TECTA: variants seen among roughly 807,000 people sequenced by gnomAD.
The protein encoded by TECTA is alpha-tectorin.
TECTA carries 128 observed loss-of-function variants against 216.8 expected under a neutral mutation model. The ratio of observed to expected loss-of-function variants is 0.59; its 90% CI spans 0.51 to 0.68. The LOEUF (loss-of-function observed/expected upper bound fraction) is 0.68, where lower values mean the gene tolerates loss of function less well. TECTA is among the 30% of genes least tolerant of loss of function. TECTA has a pLI of 0.00. For synonymous variants in TECTA, 1,089 were observed against 1,117.1 expected (o/e 0.97, Z 0.50); for missense variants, 2,551 against 2,786.2 (o/e 0.92, Z 1.90).
chr11:121,165,678 A>G (rs1947046484), intron 17 of TECTA, among the ~76,000 whole-genome samples: 1 of 152,248 alleles, frequency 6.6e-6, no homozygotes, highest in Non-Finnish European at 1.5e-5. Flanking sequence ...GAAATAGGGT[A>G]TTTTGATGCC....
At chr11:121,181,760 G>GCCCA (rs1483551903) in intron 20 of TECTA, among the ~76,000 whole-genome samples, 1 of 152,186 alleles carries the variant, frequency 6.6e-6, no homozygotes, top group Non-Finnish European at 1.5e-5. Context: ...GAGCCACCAT[G>GCCCA]CCCAGTCACT....
chr11:121,187,082 G>C (rs1947295542), intron 20 of TECTA, among the ~76,000 whole-genome samples: 1 of 152,214 alleles, frequency 6.6e-6, no homozygotes, highest in Non-Finnish European at 1.5e-5. Flanking sequence ...ATAGAAGAGA[G>C]GTTGCCGTAG....
chr11:121,132,346 G>A (rs1196653268), intron 10 of TECTA, among the ~76,000 whole-genome samples: 6 of 152,182 alleles, frequency 3.9e-5, no homozygotes, highest in Non-Finnish European at 8.8e-5. Context: ...AATGGTTTCT[G>A]TTGACATTTG....
At chr11:121,126,397 A>G (rs888586019) in intron 8 of TECTA, among the ~76,000 whole-genome samples, 7 of 152,182 alleles carry the variant, frequency 4.6e-5, no homozygotes, top group African/African-American at 1.7e-4. Flanking sequence ...TTTCTTAAAT[A>G]TTAGGAGTGG....
chr11:121,136,665 A>G (rs663319), intron 10 of TECTA, among the ~76,000 whole-genome samples: 65,044 of 151,872 alleles, frequency 0.43, 14,087 homozygotes, highest in South Asian at 0.57. Context: ...AGGAAACAGA[A>G]GCTCTGAAGA....
rs749700453 is a variant in TECTA, at chr11:121,118,584, A to C, written c.1069A>C (p.Ser357Arg). The C allele has an allele frequency of 5.6e-6, 9 of 1,614,004 alleles. No homozygotes were observed. The highest frequency in any genetic ancestry group is 1.3e-5 in the African/African-American group (1 of 74,918). The part of the protein sequence containing the change: ...LLARQCLQTS[S>R]LPFFSVEAKN... ...GGCCCGACAGTGTTTGCAGACTTCC[A>C]GCCTCCCTTTCTTCAGTGTGGAGGC... The change falls in exon 7 of 24, where the codon AGC becomes CGC. Residue 357 changes from serine (S) to arginine (R), a missense_variant. Coordinates refer to ENST00000392793, the MANE Select transcript of TECTA (RefSeq NM_005422.4).
At chr11:121,186,088 T>C (rs1947283187) in intron 20 of TECTA, among the ~76,000 whole-genome samples, 1 of 117,794 alleles carries the variant, frequency 8.5e-6, no homozygotes, top group Non-Finnish European at 1.7e-5. Flanking sequence ...AGATGTTCAA[T>C]GCTTAATGAA....
At chr11:121,106,698 CA>C (rs1389568728) in intron 3 of TECTA, among the ~76,000 whole-genome samples, 1 of 152,198 alleles carries the variant, frequency 6.6e-6, no homozygotes, top group East Asian at 1.9e-4. Context: ...AGGAAGAATG[CA>C]ACCCTAAGCA....
rs138497522 is a variant in TECTA at position 121,140,423 on chromosome 11, T to C, written c.3543+2401T>C. On this transcript the variant is annotated intron_variant, in intron 11 of 23. Coordinates refer to ENST00000392793, the MANE Select transcript of TECTA (RefSeq NM_005422.4). ...TGTGCTCTGCCCCAATCTCACGAGA[T>C]GCACTTATTGCTGAAGTCCCAAGCC... 7.2e-3 allele frequency among the ~76,000 whole-genome samples: 1,097 copies of C among 152,356 alleles called. 4 individuals are homozygous for C. Among genetic ancestry groups the C allele is most frequent in the Non-Finnish European group, 0.011 (719 of 68,038 alleles).
chr11:121,135,231 G>T (rs1407018600), intron 10 of TECTA, among the ~76,000 whole-genome samples: 3 of 152,212 alleles, frequency 2.0e-5, no homozygotes, highest in East Asian at 3.8e-4. Context: ...AGAGACAACT[G>T]CTGCCTCTGT....
intron 12 of TECTA, among the ~76,000 whole-genome samples, chr11:121,152,077 C>G (rs562375116): frequency 6.6e-6 from 1 of 152,316 alleles, no homozygotes; most frequent in African/African-American, 2.4e-5. Context: ...TCAGAGAGCC[C>G]GAGTGACGCT....
At chr11:121,188,936 T>C in intron 21 of TECTA, 144 bp from the exon 22 acceptor site, 1 of 769,978 alleles carries the variant, frequency 1.3e-6, no homozygotes, top group Non-Finnish European at 2.3e-6. Context: ...GATTCAATGA[T>C]CAAGAATGCA....
At chr11:121,176,057 C>A (rs1049841056) in intron 20 of TECTA, among the ~76,000 whole-genome samples, 4 of 151,780 alleles carry the variant, frequency 2.6e-5, no homozygotes, top group Non-Finnish European at 5.9e-5. Flanking sequence ...TTCCTCCATC[C>A]TTTTATTTTG....
At chr11:121,138,043 C>T (rs754130627) in intron 11 of TECTA, 21 bp downstream of exon 11, 2 of 1,613,264 alleles carry the variant, frequency 1.2e-6, no homozygotes, top group Admixed American at 3.3e-5. Context: ...ATGAGGTCCC[C>T]TCAAAAGGGG....
intron 12 of TECTA, among the ~76,000 whole-genome samples, chr11:121,150,924 G>A (rs1387115595): frequency 2.6e-5 from 4 of 152,056 alleles, no homozygotes; most frequent in African/African-American, 7.2e-5. Flanking sequence ...GATTACAGGC[G>A]TGAGCCACTG....
At chr11:121,104,043 T>C (rs1033212475) in intron 2 of TECTA, among the ~76,000 whole-genome samples, 1 of 152,112 alleles carries the variant, frequency 6.6e-6, no homozygotes, top group African/African-American at 2.4e-5. Context: ...CCTAGGCAGA[T>C]TGGCCAATCA....
At chr11:121,169,046 C>T in intron 20 of TECTA, 121 bp downstream of exon 20, 1 of 1,483,174 alleles carries the variant, frequency 6.7e-7, no homozygotes, top group Non-Finnish European at 9.3e-7. Flanking sequence ...CAGAATTTTG[C>T]ATTTATTAAT....
chr11:121,134,830 C>T (rs1035003854), intron 10 of TECTA, among the ~76,000 whole-genome samples: 9 of 152,136 alleles, frequency 5.9e-5, no homozygotes, highest in African/African-American at 1.9e-4. Flanking sequence ...TTGGTAGCGT[C>T]GTGTGTGCCA....
chr11:121,133,924 ATCTG>A (rs1231521399), intron 10 of TECTA, among the ~76,000 whole-genome samples: 3 of 152,150 alleles, frequency 2.0e-5, no homozygotes, highest in East Asian at 1.9e-4. Context: ...CTGTCAGTCT[ATCTG>A]TCTGTCTATC....
Sources: allele counts gnomAD v4.1 joint callset (sites outside exome capture counted in the v4.1 genomes callset), GRCh38; gene constraint gnomAD v4.1.1; transcripts MANE v1.5; gene names NCBI Gene and HGNC (gene_info 2026-07-23, HGNC 2026-07-21).